KIF1B: variants seen among roughly 807,000 people sequenced by gnomAD.
The protein encoded by KIF1B is kinesin-like protein KIF1B.
In KIF1B, 76 loss-of-function variants were observed where a neutral mutation model predicts 241.9. That is an observed-to-expected ratio of 0.31 (90% confidence interval 0.26 to 0.38). The LOEUF is 0.38. Ranked by LOEUF, KIF1B falls within the 10% of genes least tolerant of loss-of-function variation. KIF1B has a pLI of 1.00. For missense variants in KIF1B, 1,622 were observed against 2,271.4 expected (o/e 0.71, Z 5.81); for synonymous variants, 750 against 796.7 (o/e 0.94, Z 0.99).
At chr1:10,237,545 T>G (rs1181245590) in intron 2 of KIF1B, among the ~76,000 whole-genome samples, 1 of 152,212 alleles carries the variant, frequency 6.6e-6, no homozygotes, top group African/African-American at 2.4e-5. Context: ...CCAGGACCTT[T>G]TTTTTCCCCA....
intron 22 of KIF1B, chr1:10,306,985 G>A: frequency 1.9e-6 from 2 of 1,041,582 alleles, no homozygotes; most frequent in South Asian, 4.6e-5. Flanking sequence ...ATTTACAGCT[G>A]TGGATTGTGG....
At chr1:10,366,306 A>G (rs1216066050) in intron 43 of KIF1B, among the ~76,000 whole-genome samples, 1 of 152,230 alleles carries the variant, frequency 6.6e-6, no homozygotes, top group Non-Finnish European at 1.5e-5. Flanking sequence ...TCACAAGCAT[A>G]TAATAGAGAT....
chr1:10,285,185 A>G (rs1175500461), intron 15 of KIF1B, among the ~76,000 whole-genome samples: 1 of 152,210 alleles, frequency 6.6e-6, no homozygotes, highest in Non-Finnish European at 1.5e-5. Flanking sequence ...TAAAACTCCC[A>G]CTTACTGAGT....
intron 38 of KIF1B, among the ~76,000 whole-genome samples, chr1:10,359,175 G>A (rs1160972488): frequency 6.6e-6 from 1 of 152,208 alleles, no homozygotes; most frequent in African/African-American, 2.4e-5. Context: ...GAAACATGGG[G>A]ATGTGTTTAG....
chr1:10,337,182 A>G lies in KIF1B; in HGVS notation c.3238A>G (p.Ile1080Val), dbSNP rs1166087247. The G allele has an allele frequency of 1.9e-6, 3 of 1,614,064 alleles. No homozygotes were observed. The highest frequency in any genetic ancestry group is 2.5e-6 in the Non-Finnish European group (3 of 1,180,040). The change falls in exon 30 of 49, where the codon ATC (isoleucine) becomes GTC (valine). Residue 1080 changes from isoleucine (I) to valine (V), a missense_variant. Around this residue, in one of 7 missense-constraint regions of KIF1B, gnomAD observed 803 missense variants for 1,112.0 expected, o/e 0.72. Coordinates refer to ENST00000676179, the MANE Select transcript of KIF1B (RefSeq NM_001365951.3). The surrounding 1 kb of genome is among the most constrained non-coding windows in gnomAD (Gnocchi z 4.0). ...TGAGGTCATCACTCCTCCAGAAGAAATCAGTCGAATTAATGACTTGGGTAT... is the reference window on the plus strand; with the variant it reads ...TGAGGTCATCACTCCTCCAGAAGAAGTCAGTCGAATTAATGACTTGGGTAT... ...SSEVITPPEEISRINDLDLKS... is the reference protein window; with the variant it reads ...SSEVITPPEEVSRINDLDLKS...
Position 10,365,460 on chromosome 1 carries a change from A to T in KIF1B, c.4564A>T (p.Ile1522Phe). 2 of 1,614,160 alleles carry T rather than the reference A, an allele frequency of 1.2e-6. No homozygotes were observed. The highest frequency in any genetic ancestry group is 1.7e-6 in the Non-Finnish European group (2 of 1,180,026). Reference sequence around the variant, plus strand: ...GCTGCGTGAGAGACTTGGTGACAGCATCCCCAAATCCCTGAGCGACTCGTT... The same window carrying T: ...GCTGCGTGAGAGACTTGGTGACAGCTTCCCCAAATCCCTGAGCGACTCGTT... ...LLLRERLGDSIPKSLSDSLSP... is the reference protein window; with the variant it reads ...LLLRERLGDSFPKSLSDSLSP... Residue 1522 changes from isoleucine (I) to phenylalanine (F), a missense_variant, in exon 43 of 49, where the codon ATC (isoleucine) becomes TTC (phenylalanine). Ile to Phe is a conservative substitution (Grantham distance 21). This residue lies in a region of KIF1B where 357 missense variants were observed against 409.0 expected (regional missense o/e 0.87). Coordinates refer to ENST00000676179, the MANE Select transcript of KIF1B (RefSeq NM_001365951.3). This position sits in a 1 kb window ranked among gnomAD's most constrained non-coding sequence, Gnocchi z 4.0.
intron 37 of KIF1B, 46 bp downstream of exon 37, chr1:10,348,779 A>G (rs765896960): frequency 3.5e-5 from 44 of 1,248,916 alleles, no homozygotes; most frequent in Non-Finnish European, 4.2e-5. Context: ...ACTTACAGAG[A>G]TTTTTTTTTT....
intron 2 of KIF1B, among the ~76,000 whole-genome samples, chr1:10,239,880 C>G (rs1469842084): frequency 2.6e-5 from 4 of 152,106 alleles, no homozygotes; most frequent in Non-Finnish European, 5.9e-5. Context: ...ATTCTCCTGC[C>G]TCAGCCTCCC....
chr1:10,243,395 G>A (rs1571125992), intron 2 of KIF1B, among the ~76,000 whole-genome samples: 4 of 152,192 alleles, frequency 2.6e-5, no homozygotes, highest in Non-Finnish European at 4.4e-5. Context: ...CTCCAGCCTG[G>A]GTGACAGAAC....
In KIF1B at chr1:10,320,036, C is replaced by T; in HGVS notation, c.2116-7C>T. 6.3e-7 allele frequency: 1 copy of T among 1,599,354 alleles called. No homozygotes were observed. The highest frequency in any genetic ancestry group is 8.6e-7 in the Non-Finnish European group (1 of 1,166,962). ...TCCTACATGTTATCTCCTTTCTTTTCATTCAGGACTATGAGAGTAAATTGC... is the reference window on the plus strand; with the variant it reads ...TCCTACATGTTATCTCCTTTCTTTTTATTCAGGACTATGAGAGTAAATTGC... On this transcript the variant is annotated splice_region_variant and splice_polypyrimidine_tract_variant and intron_variant, in intron 22 of 48. Transcript: ENST00000676179.
chr1:10,231,799 C>A (rs569481527), intron 1 of KIF1B, among the ~76,000 whole-genome samples: 1 of 151,974 alleles, frequency 6.6e-6, no homozygotes, highest in Non-Finnish European at 1.5e-5. Context: ...TATTGAAGAT[C>A]GATCCAGAAA....
At chr1:10,260,065 T>TGG (rs1173950348) in intron 4 of KIF1B, among the ~76,000 whole-genome samples, 1 of 152,186 alleles carries the variant, frequency 6.6e-6, no homozygotes, top group Admixed American at 6.5e-5. Context: ...CATTAGTCGT[T>TGG]AGGTGCTTTT....
At chr1:10,212,896 A>ATG (rs1646713267) in intron 1 of KIF1B, among the ~76,000 whole-genome samples, 1 of 31,794 alleles carries the variant, frequency 3.1e-5, no homozygotes, top group Non-Finnish European at 5.3e-5. Context: ...GTGTGTATAT[A>ATG]TATATATATA....
chr1:10,308,198 C>T, intron 22 of KIF1B: 1 of 1,062,008 alleles, frequency 9.4e-7, no homozygotes, highest in South Asian at 4.6e-5. Context: ...GGGATGCTGC[C>T]TGTGTCCTGG....
chr1:10,238,409 A>G (rs754365497), intron 2 of KIF1B, among the ~76,000 whole-genome samples: 131 of 149,404 alleles, frequency 8.8e-4, no homozygotes, highest in Non-Finnish European at 1.6e-3. Context: ...AAATACAGAA[A>G]GTAATGCATT....
chr1:10,361,577 G>T, intron 39 of KIF1B, 115 bp from the exon 40 acceptor site: 1 of 1,253,858 alleles, frequency 8.0e-7, no homozygotes, highest in Non-Finnish European at 1.2e-6. Flanking sequence ...AATTGGTGGA[G>T]CTAAAATCCT....
chr1:10,324,118 C>CTTGAAG, intron 25 of KIF1B, 56 bp downstream of exon 25: 2 of 1,535,940 alleles, frequency 1.3e-6, no homozygotes, highest in Non-Finnish European at 1.8e-6. Flanking sequence ...CAATGACCTG[C>CTTGAAG]TCAAGTGAGC....
intron 1 of KIF1B, among the ~76,000 whole-genome samples, chr1:10,217,637 C>G (rs1410510286): frequency 6.6e-6 from 1 of 152,014 alleles, no homozygotes; most frequent in Non-Finnish European, 1.5e-5. Context: ...TTTCTTCTGC[C>G]TGGAATACTT....
intron 22 of KIF1B, among the ~76,000 whole-genome samples, chr1:10,319,194 C>A (rs1030472827): frequency 6.6e-6 from 1 of 151,660 alleles, no homozygotes; most frequent in Non-Finnish European, 1.5e-5. Context: ...CTCTGCCTCC[C>A]GGGTTCAAGT....
Sources: gnomAD v4.1 joint callset for allele counts (sites outside exome capture counted in the v4.1 genomes callset) on GRCh38, gnomAD v4.1.1 for gene constraint, gnomAD v4.1.1 regional missense constraint, Gnocchi (gnomAD v3.1) non-coding constraint, MANE v1.5 for transcripts, NCBI Gene and HGNC (gene_info 2026-07-23, HGNC 2026-07-21) for gene names.